Variants in INSC observed in about 807,000 individuals in gnomAD.
INSC encodes the protein INSC spindle orientation adaptor protein, also known as protein inscuteable homolog.
INSC carries 67 observed loss-of-function variants against 58.6 expected under a neutral mutation model. The ratio of observed to expected loss-of-function variants is 1.14; its 90% CI spans 0.94 to 1.40. INSC has a LOEUF of 1.40. INSC is among the 40% of genes most tolerant of loss of function. The pLI, the probability that INSC is intolerant of heterozygous loss-of-function variation, is 0.00. For missense variants in INSC, 714 were observed against 692.0 expected, an observed-to-expected ratio of 1.03 and a Z score of -0.36; for synonymous variants, 262 against 276.1, an observed-to-expected ratio of 0.95 and a Z score of 0.51.
chr11:15,194,076 T>C (rs1426384885), intron 6 of INSC, among the ~76,000 whole-genome samples: 1 of 152,252 alleles, frequency 6.6e-6, no homozygotes, highest in Non-Finnish European at 1.5e-5. Context: ...TGGTTTTCAT[T>C]AATTATAATG....
chr11:15,212,579 C>G (rs1347134702), intron 7 of INSC, among the ~76,000 whole-genome samples: 1 of 152,210 alleles, frequency 6.6e-6, no homozygotes, highest in Non-Finnish European at 1.5e-5. Flanking sequence ...GCATCTTGCA[C>G]ATCTTTTTTA....
At chr11:15,139,344 G>A (rs1303627959) in intron 1 of INSC, among the ~76,000 whole-genome samples, 2 of 152,218 alleles carry the variant, frequency 1.3e-5, no homozygotes, top group African/African-American at 4.8e-5. Context: ...AGCACCCTGG[G>A]CCCTGGGCCC....
chr11:15,193,956 C>T (rs1850277566), intron 6 of INSC, among the ~76,000 whole-genome samples: 1 of 152,178 alleles, frequency 6.6e-6, no homozygotes, highest in South Asian at 2.1e-4. Flanking sequence ...ACATATCCCA[C>T]CAAACCAAAA....
chr11:15,197,324 C>A (rs367617337), intron 6 of INSC, among the ~76,000 whole-genome samples: 19 of 152,250 alleles, frequency 1.2e-4, no homozygotes, highest in African/African-American at 4.6e-4. Flanking sequence ...TCTTTTCATC[C>A]ATTTTTCCGG....
At chr11:15,157,135 A>G (rs1162721606) in intron 2 of INSC, among the ~76,000 whole-genome samples, 1 of 152,224 alleles carries the variant, frequency 6.6e-6, no homozygotes, top group Non-Finnish European at 1.5e-5. Context: ...GGAACTGGGT[A>G]GGACTCCTGG....
intron 5 of INSC, among the ~76,000 whole-genome samples, chr11:15,187,132 TCA>T (rs1478375799): frequency 6.6e-6 from 1 of 152,168 alleles, no homozygotes; most frequent in African/African-American, 2.4e-5. Flanking sequence ...CATCACATTC[TCA>T]CAGTTATCAA....
chr11:15,220,808 G>T (rs1851407721), intron 7 of INSC, among the ~76,000 whole-genome samples: 1 of 152,174 alleles, frequency 6.6e-6, no homozygotes, highest in Admixed American at 6.5e-5. Flanking sequence ...TTCTTATCTG[G>T]CACTAATGTC....
chr11:15,237,757 C>T (rs1205409101), intron 10 of INSC, among the ~76,000 whole-genome samples: 1 of 152,078 alleles, frequency 6.6e-6, no homozygotes, highest in East Asian at 1.9e-4. Context: ...GCGAGCTCAC[C>T]AGAGACAGGA....
At chr11:15,184,452 G>A (rs1261287637) in intron 5 of INSC, 5 of 181,226 alleles carry the variant, frequency 2.8e-5, no homozygotes, top group South Asian at 9.0e-5. Flanking sequence ...CTGGAGTGCA[G>A]TGGTGCAATC....
intron 2 of INSC, among the ~76,000 whole-genome samples, chr11:15,163,252 G>T (rs545929295): frequency 6.6e-6 from 1 of 152,108 alleles, no homozygotes. Context: ...GGAATTTTCT[G>T]TCTCTTATGG....
intron 6 of INSC, among the ~76,000 whole-genome samples, chr11:15,198,030 A>G (rs1286140761): frequency 1.3e-5 from 2 of 152,162 alleles, no homozygotes; most frequent in East Asian, 3.9e-4. Context: ...GGGGCTCCAG[A>G]GTGGTCCTCA....
intron 6 of INSC, among the ~76,000 whole-genome samples, chr11:15,198,152 G>A (rs73426533): frequency 0.013 from 1,998 of 152,198 alleles, 38 homozygotes; most frequent in African/African-American, 0.046. Context: ...TAATCAGGAA[G>A]CCTCACATAG....
chr11:15,264,455 C>T, the INSC span, among the ~76,000 whole-genome samples: 5 of 143,810 alleles, frequency 3.5e-5, no homozygotes. Context: ...TACCAGTAGC[C>T]TTAATTATTC....
chr11:15,223,397 C>T (rs1006863796), intron 8 of INSC, among the ~76,000 whole-genome samples: 15 of 152,332 alleles, frequency 9.8e-5, no homozygotes, highest in Middle Eastern at 3.4e-3. Context: ...CAGCAGATAT[C>T]TTCTGGGCAG....
intron 12 of INSC, among the ~76,000 whole-genome samples, chr11:15,242,870 T>C (rs777963968): frequency 1.1e-4 from 17 of 152,174 alleles, no homozygotes; most frequent in Non-Finnish European, 1.8e-4. Context: ...GGGGAGGCTC[T>C]TGGAATTCAG....
intron 3 of INSC, among the ~76,000 whole-genome samples, chr11:15,176,409 A>G (rs762958805): frequency 1.3e-5 from 2 of 152,126 alleles, no homozygotes; most frequent in Non-Finnish European, 2.9e-5. Flanking sequence ...TAGCTCTGCT[A>G]TGTGGACCTC....
chr11:15,216,958 T>C (rs1468769406), intron 7 of INSC, among the ~76,000 whole-genome samples: 1 of 152,188 alleles, frequency 6.6e-6, no homozygotes, highest in Non-Finnish European at 1.5e-5. Flanking sequence ...TCCTCTGAAG[T>C]TGTTACTTTT....
intron 1 of INSC, among the ~76,000 whole-genome samples, chr11:15,117,498 C>G (rs1013759359): frequency 1.3e-5 from 2 of 152,214 alleles, no homozygotes; most frequent in Admixed American, 6.5e-5. Context: ...CCTTGTCACT[C>G]TGCTTGCTGG....
intron 1 of INSC, among the ~76,000 whole-genome samples, chr11:15,120,763 A>G (rs2133684708): frequency 6.6e-6 from 1 of 152,344 alleles, no homozygotes; most frequent in East Asian, 1.9e-4. Context: ...AGGGAGGGAC[A>G]TGATTGAATA....
Sources: allele counts gnomAD v4.1 joint callset (sites outside exome capture counted in the v4.1 genomes callset), GRCh38; gene constraint gnomAD v4.1.1; transcripts MANE v1.5; gene names NCBI Gene and HGNC (gene_info 2026-07-23, HGNC 2026-07-21).